Variants in DOCK4 observed in about 807,000 individuals in gnomAD.
The protein encoded by DOCK4 is dedicator of cytokinesis 4, also known as dedicator of cytokinesis protein 4.
In DOCK4, 97 loss-of-function variants were observed where a neutral mutation model predicts 268.1. That is an observed-to-expected ratio of 0.36 (90% CI 0.31 to 0.43). The LOEUF (loss-of-function observed/expected upper bound fraction) is 0.43. DOCK4 is among the 20% of genes least tolerant of loss of function. The probability of loss-of-function intolerance (pLI) is 1.00; values close to 1 mark genes in which losing one functional copy is unlikely to be tolerated. For missense variants in DOCK4, 2,145 were observed against 2,455.7 expected (o/e 0.87, Z 2.67); for synonymous variants, 954 against 887.2 (o/e 1.08, Z -1.34).
intron 30 of DOCK4, among the ~76,000 whole-genome samples, chr7:111,801,101 A>G (rs1800245195): frequency 6.6e-6 from 1 of 152,202 alleles, no homozygotes; most frequent in Admixed American, 6.5e-5. Flanking sequence ...GGCGATTCCT[A>G]CCACCTGTGC....
At chr7:112,154,237 GC>G (rs2116427034) in intron 1 of DOCK4, among the ~76,000 whole-genome samples, 1 of 152,232 alleles carries the variant, frequency 6.6e-6, no homozygotes, top group East Asian at 1.9e-4. Context: ...CTCCCAAAGT[GC>G]TGGGACTATA....
chr7:111,917,660 C>G (rs1030917915), intron 12 of DOCK4, among the ~76,000 whole-genome samples: 2 of 150,778 alleles, frequency 1.3e-5, no homozygotes, highest in South Asian at 2.1e-4. Context: ...GAGCCGAGAT[C>G]GCACAGCTGC....
In DOCK4 at chr7:111,958,755, C is replaced by T. The variant is rs184455564; in HGVS notation, c.702-12957G>A. 1.6e-3 allele frequency among the ~76,000 whole-genome samples: 238 copies of T among 152,140 alleles called. 3 individuals carry two copies. Among genetic ancestry groups the T allele is most frequent in the African/African-American group, 5.2e-3 (215 of 41,500 alleles). On this transcript the variant is annotated intron_variant, in intron 8 of 52. Transcript: ENST00000428084. ...ATAATGATGCAGTAATTTACAACTT[C>T]GAAAACAACTAGAATTGTATGGCTC...
At chr7:111,872,136 G>A in intron 19 of DOCK4, 46 bp from the exon 20 acceptor site, 2 of 1,452,900 alleles carry the variant, frequency 1.4e-6, no homozygotes, top group Non-Finnish European at 9.2e-7. Flanking sequence ...GCAAATCAAG[G>A]TTTTCCTTTT....
At chr7:112,072,712 A>C (rs1400064323) in intron 1 of DOCK4, among the ~76,000 whole-genome samples, 2 of 152,194 alleles carry the variant, frequency 1.3e-5, no homozygotes, top group African/African-American at 2.4e-5. Context: ...AGCACCAGGA[A>C]GTGGCCATCT....
intron 1 of DOCK4, among the ~76,000 whole-genome samples, chr7:112,072,818 T>C (rs905990878): frequency 3.7e-4 from 56 of 152,190 alleles, no homozygotes; most frequent in African/African-American, 1.3e-3. Context: ...CACTAAGAGG[T>C]AAAATGGCGG....
intron 16 of DOCK4, among the ~76,000 whole-genome samples, chr7:111,886,337 AT>A (rs1807837819): frequency 6.6e-6 from 1 of 152,188 alleles, no homozygotes; most frequent in African/African-American, 2.4e-5. Flanking sequence ...TTAAAAATTT[AT>A]TAAATTCCAA....
At chr7:111,991,515 T>G (rs1198109504) in intron 5 of DOCK4, among the ~76,000 whole-genome samples, 4 of 152,136 alleles carry the variant, frequency 2.6e-5, no homozygotes, top group Admixed American at 6.5e-5. Flanking sequence ...CAGCAAAAGT[T>G]AATTGAGAGT....
At chr7:112,153,291 T>C (rs1413952989) in intron 1 of DOCK4, among the ~76,000 whole-genome samples, 1 of 152,150 alleles carries the variant, frequency 6.6e-6, no homozygotes, top group East Asian at 1.9e-4. Context: ...CATTTTAAAA[T>C]AGCCATTTAA....
chr7:111,757,363 C>T lies in DOCK4; in HGVS notation c.4329+1261G>A, dbSNP rs3779457. Among the ~76,000 whole-genome samples the T allele has an allele frequency of 1.1e-3, 164 of 152,146 alleles. 3 individuals carry two copies. The East Asian group carries it at 0.028, about 26-fold the overall frequency. On this transcript the variant is annotated intron_variant, in intron 41 of 52. Transcript: ENST00000428084. Reference sequence around the variant, plus strand: ...ATGTGAGTTCTAGGACTGGAGCTACCGGTAACTAGAAGGTGACTTTGAACA... The same window carrying T: ...ATGTGAGTTCTAGGACTGGAGCTACTGGTAACTAGAAGGTGACTTTGAACA...
At chr7:111,939,029 A>T (rs911025788) in intron 11 of DOCK4, among the ~76,000 whole-genome samples, 1 of 151,426 alleles carries the variant, frequency 6.6e-6, no homozygotes, top group Non-Finnish European at 1.5e-5. Context: ...GAAAGCCATG[A>T]ACACCATGTG....
At chr7:112,034,372 C>A (rs1053716704) in intron 1 of DOCK4, among the ~76,000 whole-genome samples, 3 of 152,120 alleles carry the variant, frequency 2.0e-5, no homozygotes, top group African/African-American at 7.2e-5. Flanking sequence ...GTCCTCTGCC[C>A]CACACATGGT....
In DOCK4 at chr7:111,993,600, G is replaced by A. The variant is rs185609204; in HGVS notation, c.315+535C>T. ...TACTGCATCAAAGAGTACTTACCAT[G>A]GGATTTGCCACATAAGTTCCCAATG... is the stretch of plus-strand genomic sequence containing the variant. On this transcript the variant is annotated intron_variant, in intron 5 of 52. Coordinates refer to ENST00000428084, the MANE Select transcript of DOCK4 (RefSeq NM_001363540.2). Among the ~76,000 whole-genome samples, 16 of 152,246 alleles carry A rather than the reference G, an allele frequency of 1.1e-4. No individual in the cohort carries two copies. In the East Asian group the frequency reaches 3.1e-3, roughly 29 times the overall value.
At chr7:112,107,138 TC>T (rs1811205878) in intron 1 of DOCK4, among the ~76,000 whole-genome samples, 1 of 152,200 alleles carries the variant, frequency 6.6e-6, no homozygotes, top group South Asian at 2.1e-4. Context: ...GGCTCTGCCT[TC>T]AAATACCTCA....
chr7:111,877,672 T>C (rs995152170), intron 16 of DOCK4, among the ~76,000 whole-genome samples: 2 of 152,208 alleles, frequency 1.3e-5, no homozygotes, highest in Admixed American at 1.3e-4. Context: ...AGAGAAGATA[T>C]TTCAGGTATT....
chr7:111,913,624 T>A (rs1242248690), intron 13 of DOCK4, among the ~76,000 whole-genome samples: 1 of 151,464 alleles, frequency 6.6e-6, no homozygotes, highest in Non-Finnish European at 1.5e-5. Flanking sequence ...TTAGCCAGGA[T>A]GGTCTCGATC....
chr7:111,833,267 C>A (rs775799777), intron 26 of DOCK4, among the ~76,000 whole-genome samples: 3 of 152,112 alleles, frequency 2.0e-5, no homozygotes, highest in Non-Finnish European at 4.4e-5. Context: ...TAAGGCCAGG[C>A]ATGGTGGCTC....
At chr7:111,849,149 G>A (rs917888482) in intron 23 of DOCK4, among the ~76,000 whole-genome samples, 12 of 151,926 alleles carry the variant, frequency 7.9e-5, no homozygotes, top group African/African-American at 2.9e-4. Context: ...TTGTTACTTT[G>A]TGAGTTTTGC....
At chr7:112,195,081 C>A (rs1265684333) in intron 1 of DOCK4, among the ~76,000 whole-genome samples, 1 of 152,228 alleles carries the variant, frequency 6.6e-6, no homozygotes, top group Non-Finnish European at 1.5e-5. Flanking sequence ...GAGTTCGAGA[C>A]CAGCCTGGTC....
Sources: gnomAD v4.1 joint callset for allele counts (sites outside exome capture counted in the v4.1 genomes callset) on GRCh38, gnomAD v4.1.1 for gene constraint, MANE v1.5 for transcripts, NCBI Gene and HGNC (gene_info 2026-07-23, HGNC 2026-07-21) for gene names.